AMBRA1: variants seen among roughly 807,000 people sequenced by gnomAD.
The protein encoded by AMBRA1 is activating molecule in BECN1-regulated autophagy protein 1.
A neutral mutation model predicts 125.4 loss-of-function variants in AMBRA1; 47 were observed. That is an observed-to-expected ratio of 0.37 (90% CI 0.30 to 0.48). The LOEUF is 0.48. AMBRA1 is among the 20% of genes least tolerant of loss of function. The pLI is 0.99. For synonymous variants in AMBRA1, 626 were observed against 655.5 expected, an observed-to-expected ratio of 0.95 and a Z score of 0.69; for missense variants, 1,331 against 1,693.4, an observed-to-expected ratio of 0.79 and a Z score of 3.76.
chr11:46,445,654 T>C (rs1948248367), intron 11 of AMBRA1, among the ~76,000 whole-genome samples: 1 of 152,232 alleles, frequency 6.6e-6, no homozygotes, highest in South Asian at 2.1e-4. Context: ...CATTTCATTC[T>C]GATCCAGGCT....
At chr11:46,477,599 T>G (rs1443044013) in intron 11 of AMBRA1, among the ~76,000 whole-genome samples, 1 of 152,098 alleles carries the variant, frequency 6.6e-6, no homozygotes, top group African/African-American at 2.4e-5. Context: ...TGGCCTACTG[T>G]GCTGGGATTA....
intron 9 of AMBRA1, among the ~76,000 whole-genome samples, chr11:46,499,829 T>C (rs911679700): frequency 3.3e-5 from 5 of 152,208 alleles, no homozygotes; most frequent in South Asian, 2.1e-4. Flanking sequence ...CTAATTTTTA[T>C]ATTTTTAGAC....
At chr11:46,523,520 G>A (rs1951843616) in intron 7 of AMBRA1, among the ~76,000 whole-genome samples, 1 of 152,166 alleles carries the variant, frequency 6.6e-6, no homozygotes. Context: ...TGTAGAGTCT[G>A]GAAGCCATTC....
intron 11 of AMBRA1, among the ~76,000 whole-genome samples, chr11:46,466,337 ACT>A (rs932308718): frequency 1.4e-5 from 2 of 146,228 alleles, no homozygotes; most frequent in East Asian, 2.0e-4. Flanking sequence ...ACAGAGCAAG[ACT>A]CTGTCTAAAA....
Position 46,542,665 on chromosome 11 carries a change from A to G in AMBRA1, c.1352T>C (p.Leu451Pro). 1.9e-6 allele frequency: 3 copies of G among 1,614,142 alleles called. No homozygotes were observed. Among genetic ancestry groups the G allele is most frequent in the Non-Finnish European group, 2.5e-6 (3 of 1,180,014 alleles). ...CTGAGAGCCACCTTCCTGCTGTCTC[A>G]GCACAGACAGCAAACTCACCGAAGA... is the stretch of plus-strand genomic sequence containing the variant. ...SASSVSLLSV[L>P]RQQEGGSQAS... The change falls in exon 7 of 18, where the codon CTG (leucine) becomes CCG (proline). Residue 451 changes from leucine to proline, a missense_variant. Coordinates refer to ENST00000683756, the MANE Select transcript of AMBRA1 (RefSeq NM_001387011.1). This position sits in a 1 kb window ranked among gnomAD's most constrained non-coding sequence, Gnocchi z 5.9.
intron 7 of AMBRA1, among the ~76,000 whole-genome samples, chr11:46,519,759 C>T (rs1051151489): frequency 6.6e-5 from 10 of 152,306 alleles, no homozygotes; most frequent in East Asian, 3.9e-4. Flanking sequence ...TCAAGCTTTG[C>T]AGCCAAATTT....
At chr11:46,522,081 G>A (rs1211252869) in intron 7 of AMBRA1, among the ~76,000 whole-genome samples, 1 of 152,164 alleles carries the variant, frequency 6.6e-6, no homozygotes, top group Non-Finnish European at 1.5e-5. Flanking sequence ...ACAGCAAAAG[G>A]GAAGAGGCTA....
chr11:46,573,492 A>G lies in AMBRA1; in HGVS notation c.-121+20336T>C, dbSNP rs139155977. On this transcript the variant is annotated intron_variant, in intron 1 of 17. Transcript: ENST00000683756. ...TAAGGGCAGAATAACTGCACTGCAC[A>G]TGTGGCTGTGTTATCAAGTCACTTC... Among the ~76,000 whole-genome samples the G allele has an allele frequency of 8.7e-3, 1,322 of 152,094 alleles. 10 individuals carry two copies. Among genetic ancestry groups the G allele is most frequent in the African/African-American group, 0.031 (1,274 of 41,516 alleles).
chr11:46,407,859 G>C (rs1395483960), intron 17 of AMBRA1, among the ~76,000 whole-genome samples: 2 of 152,150 alleles, frequency 1.3e-5, no homozygotes, highest in Non-Finnish European at 2.9e-5. Context: ...CTGGAGGTAG[G>C]GGGTGAGGAT....
chr11:46,533,998 T>A (rs752750370), intron 7 of AMBRA1, among the ~76,000 whole-genome samples: 1 of 151,556 alleles, frequency 6.6e-6, no homozygotes, highest in Non-Finnish European at 1.5e-5. Context: ...GTTTTCGCAC[T>A]TCTTTAAGGT....
At chr11:46,455,442 T>G (rs555117060) in intron 11 of AMBRA1, among the ~76,000 whole-genome samples, 11 of 152,334 alleles carry the variant, frequency 7.2e-5, no homozygotes, top group African/African-American at 2.6e-4. Context: ...TTTAACATGC[T>G]TTGAAAGAGG....
At chr11:46,430,392 A>ACTGC (rs1947397443) in intron 14 of AMBRA1, among the ~76,000 whole-genome samples, 1 of 152,162 alleles carries the variant, frequency 6.6e-6, no homozygotes, top group Non-Finnish European at 1.5e-5. Context: ...TAAAATGAAG[A>ACTGC]AATCTTGTTT....
intron 7 of AMBRA1, among the ~76,000 whole-genome samples, chr11:46,515,876 ATGTTGG>A (rs1419442510): frequency 1.3e-5 from 2 of 152,140 alleles, no homozygotes; most frequent in African/African-American, 4.8e-5. Context: ...GGGTTTCACC[ATGTTGG>A]TCAGGCTGGT....
In AMBRA1 at chr11:46,489,051, C is replaced by T. The variant is rs372464770; in HGVS notation, c.2521+4557G>A. Among the ~76,000 whole-genome samples the T allele has an allele frequency of 3.5e-3, 527 of 152,176 alleles. 1 individual carries two copies. Among genetic ancestry groups the T allele is most frequent in the Middle Eastern group, 0.024 (7 of 294 alleles). ...CAGAGTAGCTGGGACTACAGGCGCCCGCAACCGCCCGGTTAATTTTTTTTT... is the reference window on the plus strand; with the variant it reads ...CAGAGTAGCTGGGACTACAGGCGCCTGCAACCGCCCGGTTAATTTTTTTTT... On this transcript the variant is annotated intron_variant, in intron 11 of 17. Transcript: ENST00000683756.
intron 11 of AMBRA1, among the ~76,000 whole-genome samples, chr11:46,467,908 C>T (rs545710506): frequency 3.3e-5 from 5 of 152,218 alleles, no homozygotes; most frequent in African/African-American, 1.2e-4. Flanking sequence ...AGTCTAGGGC[C>T]ACATACTGGC....
intron 12 of AMBRA1, among the ~76,000 whole-genome samples, chr11:46,437,109 A>G (rs1212133231): frequency 6.6e-6 from 1 of 152,202 alleles, no homozygotes; most frequent in Non-Finnish European, 1.5e-5. Context: ...ACTCATCACC[A>G]ACACACAAAA....
At chr11:46,471,212 C>T (rs757731766) in intron 11 of AMBRA1, among the ~76,000 whole-genome samples, 1 of 152,094 alleles carries the variant, frequency 6.6e-6, no homozygotes, top group East Asian at 1.9e-4. Flanking sequence ...GAGGCTCGGG[C>T]GGGCGGATCA....
At chr11:46,499,239 T>C (rs1371757982) in intron 9 of AMBRA1, among the ~76,000 whole-genome samples, 1 of 152,218 alleles carries the variant, frequency 6.6e-6, no homozygotes, top group Non-Finnish European at 1.5e-5. Context: ...GTGCATTTTA[T>C]GTTAAAAAAT....
chr11:46,583,663 A>C lies in AMBRA1; in HGVS notation c.-121+10165T>G, dbSNP rs1320783480. On this transcript the variant is annotated intron_variant, in intron 1 of 17. Coordinates refer to ENST00000683756, the MANE Select transcript of AMBRA1 (RefSeq NM_001387011.1). ...CTCAAACAAATTTCCAAAAAAAAAA[A>C]AAAAAAAAAAAAAAAACAACAAAAC... Among the ~76,000 whole-genome samples the C allele has an allele frequency of 1.1e-3, 151 of 132,414 alleles. 1 individual carries two copies. Among genetic ancestry groups the C allele is most frequent in the African/African-American group, 3.1e-3 (86 of 28,102 alleles). 86.9% of individuals were successfully genotyped at this position (132,414 alleles called of 152,430 possible). A position where few individuals can be genotyped will look rare whatever the true frequency, so the allele number is the denominator to read the frequency against.
Sources: gnomAD v4.1 joint callset for allele counts (sites outside exome capture counted in the v4.1 genomes callset) on GRCh38, gnomAD v4.1.1 for gene constraint, Gnocchi (gnomAD v3.1) non-coding constraint, MANE v1.5 for transcripts, NCBI Gene and HGNC (gene_info 2026-07-23, HGNC 2026-07-21) for gene names.